Variants in CRISP1 observed in about 807,000 individuals in gnomAD.
The protein encoded by CRISP1 is cysteine rich secretory protein 1.
A neutral mutation model predicts 33.1 loss-of-function variants in CRISP1; 44 were observed. The ratio of observed to expected loss-of-function variants is 1.33; its 90% confidence interval spans 1.05 to 1.71. CRISP1 has a LOEUF of 1.71. CRISP1 is among the 40% of genes most tolerant of loss of function. The probability of loss-of-function intolerance (pLI) is 0.00; values close to 1 mark genes in which losing one functional copy is unlikely to be tolerated. For missense variants in CRISP1, 390 were observed against 301.2 expected (o/e 1.29, Z -2.18); for synonymous variants, 103 against 98.7 (o/e 1.04, Z -0.26).
At chr6:49,872,171 T>A (rs1319951079) in intron 1 of CRISP1, among the ~76,000 whole-genome samples, 1 of 152,230 alleles carries the variant, frequency 6.6e-6, no homozygotes, top group Non-Finnish European at 1.5e-5. Context: ...CATTTTTTCA[T>A]GTGTCTTTGG....
At chr6:49,864,399 T>A (rs1771742680) in intron 1 of CRISP1, among the ~76,000 whole-genome samples, 1 of 151,478 alleles carries the variant, frequency 6.6e-6, no homozygotes, top group Non-Finnish European at 1.5e-5. Context: ...TGTGTGTGTG[T>A]GTGTGTGTGT....
intron 4 of CRISP1, 35 bp downstream of exon 4, chr6:49,848,174 T>TTTTTC: frequency 8.4e-7 from 1 of 1,183,728 alleles, no homozygotes. Context: ...TTTTTTTTTT[T>TTTTTC]AGTCCAAAGG....
At chr6:49,845,581 A>C (rs1771137368) in intron 5 of CRISP1, among the ~76,000 whole-genome samples, 1 of 152,202 alleles carries the variant, frequency 6.6e-6, no homozygotes, top group Non-Finnish European at 1.5e-5. Context: ...TTTTTCAAAT[A>C]ATAAACACAG....
intron 2 of CRISP1, 46 bp from the exon 3 acceptor site, chr6:49,852,175 A>G (rs775885396): frequency 1.3e-6 from 2 of 1,585,682 alleles, no homozygotes; most frequent in East Asian, 4.5e-5. Context: ...TTTAAGTGGA[A>G]TTTGTCACAT....
At chr6:49,847,971 G>A (rs552866404) in intron 4 of CRISP1, among the ~76,000 whole-genome samples, 1 of 152,136 alleles carries the variant, frequency 6.6e-6, no homozygotes, top group African/African-American at 2.4e-5. Flanking sequence ...TCTCCTGATG[G>A]TCAGAACTTG....
At chr6:49,840,024 T>A (rs1253051730) in intron 6 of CRISP1, among the ~76,000 whole-genome samples, 1 of 152,180 alleles carries the variant, frequency 6.6e-6, no homozygotes. Flanking sequence ...TGAGTTCACA[T>A]TATGTAGGAA....
At chr6:49,870,820 G>A (rs573877458), upstream of CRISP1, among the ~76,000 whole-genome samples, 2 of 152,234 alleles carry the variant, frequency 1.3e-5, no homozygotes, top group African/African-American at 4.8e-5. Flanking sequence ...AAATAGGCCA[G>A]GCGTGGTGGC....
chr6:49,857,341 G>A lies in CRISP1; in HGVS notation c.60C>T (p.Ser20=), dbSNP rs780400857. The A allele has an allele frequency of 2.5e-6, 4 of 1,612,480 alleles. No individual in the cohort carries two copies. The highest frequency in any genetic ancestry group is 3.4e-6 in the Non-Finnish European group (4 of 1,179,044). Reference sequence around the variant, plus strand: ...ACATCCAACCCTCACATACTTTCATGGACAACATAGGCAGTAAGCAAGCAG... The same window carrying A: ...ACATCCAACCCTCACATACTTTCATAGACAACATAGGCAGTAAGCAAGCAG... ...VAAACLLPML[S]MKKKSARDQF... Residue 20 remains serine, a synonymous_variant, in exon 2 of 8, where the codon TCC becomes TCT. Transcript: ENST00000335847.
chr6:49,856,719 A>G (rs1037516820), intron 2 of CRISP1, among the ~76,000 whole-genome samples: 16 of 152,012 alleles, frequency 1.1e-4, no homozygotes, highest in Non-Finnish European at 4.4e-5. Context: ...AATATATATT[A>G]TTTTCTTTAT....
chr6:49,842,837 T>G (rs1362666281), intron 5 of CRISP1, among the ~76,000 whole-genome samples: 1 of 152,156 alleles, frequency 6.6e-6, no homozygotes, highest in Admixed American at 6.5e-5. Context: ...CTCCATTTGC[T>G]AGTCATGAGA....
chr6:49,872,146 G>A (rs1218848363), intron 1 of CRISP1, among the ~76,000 whole-genome samples: 1 of 152,134 alleles, frequency 6.6e-6, no homozygotes, highest in African/African-American at 2.4e-5. Context: ...TTCTCTGATG[G>A]CCACTGATGA....
intron 3 of CRISP1, 25 bp from the exon 4 acceptor site, chr6:49,848,324 A>C (rs1163254608): frequency 7.5e-7 from 1 of 1,341,738 alleles, no homozygotes; most frequent in Non-Finnish European, 1.0e-6. Flanking sequence ...AAAAAAAAGC[A>C]CATGTTCCAA....
chr6:49,848,902 C>T (rs560829866), intron 3 of CRISP1, among the ~76,000 whole-genome samples: 2 of 149,160 alleles, frequency 1.3e-5, no homozygotes, highest in African/African-American at 4.9e-5. Context: ...CATGGCAACT[C>T]TACAAAAAAA....
At chr6:49,867,565 G>A (rs1476346338), upstream of CRISP1, among the ~76,000 whole-genome samples, 2 of 151,952 alleles carry the variant, frequency 1.3e-5, no homozygotes, top group Non-Finnish European at 2.9e-5. Context: ...GTGAGGGTTA[G>A]GAAATAAAAA....
At chr6:49,845,261 T>C (rs1010239588) in intron 5 of CRISP1, among the ~76,000 whole-genome samples, 16 of 152,138 alleles carry the variant, frequency 1.1e-4, no homozygotes, top group African/African-American at 3.4e-4. Flanking sequence ...GTCTCTCTTG[T>C]CTCTGTCTCT....
At chr6:49,853,670 A>C (rs1379121173) in intron 2 of CRISP1, among the ~76,000 whole-genome samples, 2 of 152,066 alleles carry the variant, frequency 1.3e-5, no homozygotes, top group African/African-American at 4.8e-5. Context: ...CTTTAATATA[A>C]TCGAGCCTTC....
intron 1 of CRISP1, among the ~76,000 whole-genome samples, chr6:49,875,577 C>T (rs1772017407): frequency 6.6e-6 from 1 of 151,806 alleles, no homozygotes; most frequent in Admixed American, 6.6e-5. Flanking sequence ...CCAAAGAAGA[C>T]CCCAAATAGC....
At chr6:49,844,218 A>G (rs987594137) in intron 5 of CRISP1, among the ~76,000 whole-genome samples, 2 of 152,190 alleles carry the variant, frequency 1.3e-5, no homozygotes, top group African/African-American at 4.8e-5. Context: ...TGATTTATGG[A>G]TTTAATCATA....
intron 3 of CRISP1, among the ~76,000 whole-genome samples, chr6:49,849,288 C>G (rs900441951): frequency 6.6e-6 from 1 of 152,166 alleles, no homozygotes; most frequent in African/African-American, 2.4e-5. Flanking sequence ...AACCCACCAT[C>G]GGGCCCCGCA....
Sources: gnomAD v4.1 joint callset for allele counts (sites outside exome capture counted in the v4.1 genomes callset) on GRCh38, gnomAD v4.1.1 for gene constraint, MANE v1.5 for transcripts, NCBI Gene and HGNC (gene_info 2026-07-23, HGNC 2026-07-21) for gene names.